Variants in USP42 observed in about 807,000 individuals in gnomAD.
The protein encoded by USP42 is ubiquitin specific peptidase 42.
USP42 carries 23 observed loss-of-function variants against 113.0 expected under a neutral mutation model. That is an observed-to-expected ratio of 0.20 (90% CI 0.15 to 0.29). The LOEUF (loss-of-function observed/expected upper bound fraction) is 0.29, where lower values mean the gene tolerates loss of function less well. Ranked by LOEUF, USP42 falls within the 10% of genes least tolerant of loss-of-function variation. The pLI is 1.00. For synonymous variants in USP42, 933 were observed against 699.0 expected (o/e 1.33, Z -5.28); for missense variants, 2,174 against 1,779.8 (o/e 1.22, Z -3.99).
intron 6 of USP42, 127 bp downstream of exon 6, chr7:6,140,322 C>T: frequency 1.1e-6 from 1 of 874,932 alleles, no homozygotes. Context: ...ATTCTCATTC[C>T]TTTTACCCAG....
intron 3 of USP42, chr7:6,117,043 A>G (rs950582134): frequency 8.8e-6 from 3 of 342,216 alleles, no homozygotes; most frequent in Non-Finnish European, 1.7e-5. Context: ...CTGAAGTATA[A>G]TTGATATATA....
intron 2 of USP42, among the ~76,000 whole-genome samples, chr7:6,114,676 ATATT>A (rs1779805101): frequency 3.2e-5 from 1 of 31,264 alleles, no homozygotes; most frequent in Non-Finnish European, 5.1e-5. Context: ...ATATATATAT[ATATT>A]TTTTTTTTTT....
chr7:6,143,653 A>C (rs778845688), intron 8 of USP42, among the ~76,000 whole-genome samples: 14 of 152,026 alleles, frequency 9.2e-5, no homozygotes, highest in Non-Finnish European at 1.8e-4. Context: ...AGACATTTCT[A>C]ATATTTATTT....
rs925653382 is a variant in USP42 at position 6,124,920 on chromosome 7, C to T, written c.442+9397C>T. On this transcript the variant is annotated intron_variant, in intron 3 of 17. Coordinates refer to ENST00000306177, the MANE Select transcript of USP42 (RefSeq NM_032172.3). ...CTCAGGCCGGTGCCAGTGGCTCATG[C>T]CTGTAGTCTCAGCACTTTGGGAGGC... is the stretch of plus-strand genomic sequence containing the variant. Among the ~76,000 whole-genome samples, 4 of 152,056 alleles carry T rather than the reference C, an allele frequency of 2.6e-5. No homozygotes were observed. The East Asian group carries it at 7.7e-4, about 29-fold the overall frequency.
intron 1 of USP42, among the ~76,000 whole-genome samples, chr7:6,106,115 T>C (rs527742625): frequency 3.3e-4 from 51 of 152,370 alleles, no homozygotes; most frequent in Admixed American, 2.4e-3. Flanking sequence ...GTTTCACTTA[T>C]TTGTTTTAAA....
At chr7:6,091,364 C>G in the USP42 span, among the ~76,000 whole-genome samples, 1 of 150,632 alleles carries the variant, frequency 6.6e-6, no homozygotes, top group Non-Finnish European at 1.5e-5. Context: ...GTAGCTGAGA[C>G]TGCAGGCATG....
chr7:6,143,777 C>T (rs1366535785), intron 8 of USP42, among the ~76,000 whole-genome samples: 2 of 151,962 alleles, frequency 1.3e-5, no homozygotes, highest in Non-Finnish European at 2.9e-5. Context: ...TGAACATGTT[C>T]GTTTTTCAGT....
the USP42 span, among the ~76,000 whole-genome samples, chr7:6,091,680 T>TACACAC: frequency 0.18 from 24,436 of 135,970 alleles, 2,557 homozygotes; most frequent in Admixed American, 0.23. Flanking sequence ...TATGTTAGCA[T>TACACAC]ACACACACAC....
chr7:6,137,891 G>C (rs1379958835), intron 4 of USP42, among the ~76,000 whole-genome samples: 4 of 152,050 alleles, frequency 2.6e-5, no homozygotes, highest in African/African-American at 9.7e-5. Flanking sequence ...ATGTTAGCCA[G>C]GATGGCCTCG....
At chr7:6,115,259 T>TA in intron 2 of USP42, 64 bp from the exon 3 acceptor site, 1 of 1,512,492 alleles carries the variant, frequency 6.6e-7, no homozygotes, top group Admixed American at 1.7e-5. Context: ...GACCAGGTGT[T>TA]ACTATTTATT....
At chr7:6,120,274 GCT>G (rs1194994772) in intron 3 of USP42, among the ~76,000 whole-genome samples, 2 of 151,508 alleles carry the variant, frequency 1.3e-5, no homozygotes, top group Non-Finnish European at 2.9e-5. Context: ...CTTTTTATTT[GCT>G]CTGTCACTCC....
intron 12 of USP42, among the ~76,000 whole-genome samples, chr7:6,149,238 A>G (rs1283640811): frequency 4.6e-5 from 7 of 152,184 alleles, no homozygotes; most frequent in Admixed American, 3.3e-4. Flanking sequence ...ACTCTGCATC[A>G]GCGAGCTCCC....
chr7:6,135,191 AG>A (rs1781063859), intron 3 of USP42, among the ~76,000 whole-genome samples: 1 of 152,234 alleles, frequency 6.6e-6, no homozygotes, highest in African/African-American at 2.4e-5. Flanking sequence ...TATAGAGAGT[AG>A]CTAGGAGCAC....
intron 14 of USP42, among the ~76,000 whole-genome samples, chr7:6,152,060 A>C (rs1455173274): frequency 6.6e-6 from 1 of 152,244 alleles, no homozygotes; most frequent in Non-Finnish European, 1.5e-5. Context: ...ATGTTAGTGA[A>C]GAATGTGAAT....
chr7:6,116,533 T>G (rs1779920728), intron 3 of USP42: 1 of 306,652 alleles, frequency 3.3e-6, no homozygotes, highest in Non-Finnish European at 6.2e-6. Context: ...GTTCTGGGGC[T>G]ATTAGTTACT....
chr7:6,133,811 C>G (rs1780981818), intron 3 of USP42, among the ~76,000 whole-genome samples: 1 of 152,036 alleles, frequency 6.6e-6, no homozygotes, highest in Non-Finnish European at 1.5e-5. Flanking sequence ...TAAGCCACCG[C>G]ACCTGGTGCA....
chr7:6,146,326 A>T, intron 11 of USP42, 78 bp downstream of exon 11: 2 of 832,788 alleles, frequency 2.4e-6, no homozygotes, highest in Non-Finnish European at 1.8e-6. Flanking sequence ...TGAATTCAAT[A>T]TTCAGTGTTT....
the USP42 span, among the ~76,000 whole-genome samples, chr7:6,091,608 CA>C: frequency 1.3e-5 from 2 of 149,666 alleles, no homozygotes; most frequent in Non-Finnish European, 2.9e-5. Context: ...TTCTCACCCC[CA>C]TATTAATTTT....
the USP42 span, among the ~76,000 whole-genome samples, chr7:6,087,340 CTT>C: frequency 3.4e-5 from 4 of 116,486 alleles, no homozygotes. Context: ...CTAAGCGCTT[CTT>C]TTTTTTTTTT....
Sources: allele counts gnomAD v4.1 joint callset (sites outside exome capture counted in the v4.1 genomes callset), GRCh38; gene constraint gnomAD v4.1.1; transcripts MANE v1.5; gene names NCBI Gene and HGNC (gene_info 2026-07-23, HGNC 2026-07-21).